Variants in INTS2 observed in about 807,000 individuals in gnomAD.
INTS2 encodes KIAA1287.
In INTS2, 57 loss-of-function variants were observed where a neutral mutation model predicts 139.6. The ratio of observed to expected loss-of-function variants is 0.41; its 90% CI spans 0.33 to 0.51. The LOEUF (loss-of-function observed/expected upper bound fraction) is 0.51, where lower values mean the gene tolerates loss of function less well. INTS2 is among the 20% of genes least tolerant of loss of function. The pLI is 0.28. For synonymous variants in INTS2, 473 were observed against 493.4 expected (o/e 0.96, Z 0.55); for missense variants, 1,196 against 1,436.7 (o/e 0.83, Z 2.71).
Position 61,891,697 on chromosome 17 carries a change from A to G in INTS2, c.1699-8T>C. 6.3e-7 allele frequency: 1 copy of G among 1,595,658 alleles called. No homozygotes were observed. The highest frequency in any genetic ancestry group is 8.5e-7 in the Non-Finnish European group (1 of 1,169,948). Reference sequence around the variant, plus strand: ...CTGTCTATAAATCCAATCCTAAGAAAGAATGTTATAGACACTGAATTAATT... The same window carrying G: ...CTGTCTATAAATCCAATCCTAAGAAGGAATGTTATAGACACTGAATTAATT... On this transcript the variant is annotated splice_polypyrimidine_tract_variant and splice_region_variant and intron_variant, in intron 13 of 24. Transcript: ENST00000251334.
At position 61,927,855 on chromosome 17, in the gene INTS2, G is replaced by T. The variant is rs548170558; in HGVS notation, c.-220C>A. The T allele has an allele frequency of 1.2e-6, 2 of 1,613,870 alleles. No homozygotes were observed. Among genetic ancestry groups the T allele is most frequent in the Admixed American group, 1.7e-5 (1 of 60,002 alleles). On this transcript the variant is annotated 5_prime_UTR_variant, in exon 1 of 25. Coordinates refer to ENST00000251334, the MANE Select transcript of INTS2 (RefSeq NM_001351695.2). ...CCGGGTTGTCGATACAAAGTGGGAAGGATGGGGGCACCACACAAAGGCAGA... is the reference window on the plus strand; with the variant it reads ...CCGGGTTGTCGATACAAAGTGGGAATGATGGGGGCACCACACAAAGGCAGA...
intron 11 of INTS2, among the ~76,000 whole-genome samples, chr17:61,896,057 C>T (rs1344448244): frequency 4.6e-5 from 7 of 151,748 alleles, no homozygotes; most frequent in Non-Finnish European, 8.8e-5. Flanking sequence ...CTGGCTAACA[C>T]AGTGAAACCC....
rs550591695 is a variant in INTS2 at position 61,893,508 on chromosome 17, A to C, written c.1698+257T>G. ...GTCAGGAGTTCGACACCAGCCAGCC[A>C]ACACGGTGAAACCCTGTCTCTACTA... is the stretch of plus-strand genomic sequence containing the variant. On this transcript the variant is annotated intron_variant, in intron 13 of 24. Coordinates refer to ENST00000251334, the MANE Select transcript of INTS2 (RefSeq NM_001351695.2). This position sits in a 1 kb window ranked among gnomAD's most constrained non-coding sequence, Gnocchi z 5.4. 2.2e-4 allele frequency among the ~76,000 whole-genome samples: 33 copies of C among 152,236 alleles called. No homozygotes were observed. The highest frequency in any genetic ancestry group is 7.7e-4 in the African/African-American group (32 of 41,532).
Position 61,882,500 on chromosome 17 carries a change from A to G in INTS2, c.2090-1329T>C, listed in dbSNP as rs189368569. Among the ~76,000 whole-genome samples, 256 of 152,258 alleles carry G rather than the reference A, an allele frequency of 1.7e-3. 4 individuals carry two copies. In the East Asian group the frequency reaches 0.03, roughly 18 times the overall value. On this transcript the variant is annotated intron_variant, in intron 16 of 24. Coordinates refer to ENST00000251334, the MANE Select transcript of INTS2 (RefSeq NM_001351695.2). This position sits in a 1 kb window ranked among gnomAD's most constrained non-coding sequence, Gnocchi z 4.7. ...TCCCAGCACCTTGGGAGACTGAGGG[A>G]GATGGATCACTTGAGGCCAGGAGTT...
intron 5 of INTS2, among the ~76,000 whole-genome samples, chr17:61,917,879 T>A (rs886865182): frequency 3.9e-5 from 6 of 151,902 alleles, no homozygotes; most frequent in African/African-American, 1.5e-4. Flanking sequence ...ACTATAAATG[T>A]GAAAACTAAG....
At chr17:61,902,049 A>G (rs1478212806) in intron 9 of INTS2, among the ~76,000 whole-genome samples, 1 of 152,134 alleles carries the variant, frequency 6.6e-6, no homozygotes, top group Non-Finnish European at 1.5e-5. Flanking sequence ...AGGACTTTGA[A>G]GGTGTTGCTT....
Position 61,874,985 on chromosome 17 carries a change from TGTC to T in INTS2, c.2507_2509del (p.Arg836del), listed in dbSNP as rs2079115987. The T allele has an allele frequency of 2.5e-6, 4 of 1,598,008 alleles. No homozygotes were observed. The highest frequency in any genetic ancestry group is 3.4e-6 in the Non-Finnish European group (4 of 1,171,238). On this transcript the variant is annotated inframe_deletion, in exon 19 of 25. Coordinates refer to ENST00000251334, the MANE Select transcript of INTS2 (RefSeq NM_001351695.2). ...CAGGTCATTCTGAGTATACTTTTGT[TGTC>T]GTACAAACTTTATTGAAGGCTGAAG...
At chr17:61,904,972 G>C (rs1203098686) in intron 8 of INTS2, among the ~76,000 whole-genome samples, 1 of 148,246 alleles carries the variant, frequency 6.7e-6, no homozygotes, top group Non-Finnish European at 1.5e-5. Flanking sequence ...TTTGAGACAA[G>C]GTCTTGCTCC....
chr17:61,919,292 T>C (rs1214680461), intron 5 of INTS2, 108 bp downstream of exon 5: 8 of 619,386 alleles, frequency 1.3e-5, no homozygotes, highest in Admixed American at 5.9e-5. Flanking sequence ...TTTCAAAAGA[T>C]AAAATCTCAA....
chr17:61,910,727 A>C (rs866936992), intron 7 of INTS2: 3 of 152,214 alleles, frequency 2.0e-5, no homozygotes, highest in African/African-American at 7.2e-5. Flanking sequence ...ATTTTACCAT[A>C]ATAAAAACAT....
chr17:61,886,849 G>A (rs1010419156), intron 15 of INTS2, among the ~76,000 whole-genome samples: 1 of 152,210 alleles, frequency 6.6e-6, no homozygotes, highest in African/African-American at 2.4e-5. Flanking sequence ...CAAGAAGTAT[G>A]TAAGTGCAAG....
rs979329437 is a variant in INTS2 at position 61,882,658 on chromosome 17, C to T, written c.2090-1487G>A. On this transcript the variant is annotated intron_variant, in intron 16 of 24. Coordinates refer to ENST00000251334, the MANE Select transcript of INTS2 (RefSeq NM_001351695.2). This position sits in a 1 kb window ranked among gnomAD's most constrained non-coding sequence, Gnocchi z 4.7. ...GCACAAGAATTGCTTGAACCTGGGA[C>T]GTGGAGGTTGCAGTGAGCCAAGATC... is the stretch of plus-strand genomic sequence containing the variant. 1.3e-5 allele frequency among the ~76,000 whole-genome samples: 2 copies of T among 151,990 alleles called. No homozygotes were observed. The highest frequency in any genetic ancestry group is 1.9e-4 in the East Asian group (1 of 5,178).
intron 2 of INTS2, 95 bp downstream of exon 2, chr17:61,926,257 A>G (rs2079712252): frequency 4.9e-6 from 5 of 1,017,206 alleles, no homozygotes; most frequent in Middle Eastern, 2.9e-4. Flanking sequence ...CAGAATTTAG[A>G]TTCTCATTCT....
chr17:61,885,864 G>A (rs1439274553), intron 15 of INTS2, among the ~76,000 whole-genome samples: 1 of 151,152 alleles, frequency 6.6e-6, no homozygotes, highest in Non-Finnish European at 1.5e-5. Flanking sequence ...GAGTAGCTGG[G>A]ATTACAAGCG....
Position 61,868,970 on chromosome 17 carries a change from G to A in INTS2, c.3244+64C>T. On this transcript the variant is annotated intron_variant, in intron 23 of 24. Transcript: ENST00000251334. The surrounding 1 kb of genome is among the most constrained non-coding windows in gnomAD (Gnocchi z 4.7). The stretch of plus-strand genomic sequence containing the variant: ...GAAAAAACATATTGCATCACTAAAT[G>A]CAGAAAATATAGGAACTATAATAAT... The A allele has an allele frequency of 3.1e-6, 3 of 963,426 alleles. No individual in the cohort carries two copies. Among genetic ancestry groups the A allele is most frequent in the Non-Finnish European group, 4.9e-6 (3 of 607,122 alleles). 59.7% of individuals were successfully genotyped at this position (963,426 alleles called of 1,614,324 possible). A position where few individuals can be genotyped will look rare whatever the true frequency, so the allele number is the denominator to read the frequency against.
intron 15 of INTS2, among the ~76,000 whole-genome samples, chr17:61,889,375 C>T (rs540525164): frequency 1.3e-5 from 2 of 152,312 alleles, no homozygotes; most frequent in South Asian, 2.1e-4. Context: ...GCGTAAGCCA[C>T]CTCGACTGGC....
At chr17:61,915,349 T>A (rs868248910) in intron 5 of INTS2, among the ~76,000 whole-genome samples, 4 of 145,780 alleles carry the variant, frequency 2.7e-5, no homozygotes, top group African/African-American at 7.7e-5. Context: ...AAAAAATAAA[T>A]AAATAAATAA....
chr17:61,870,033 G>T lies in INTS2; in HGVS notation c.2779-45C>A. 1 of 1,528,072 alleles carries T rather than the reference G, an allele frequency of 6.5e-7. No individual in the cohort carries two copies. 94.7% of individuals were successfully genotyped at this position (1,528,072 alleles called of 1,614,324 possible). On this transcript the variant is annotated intron_variant, in intron 20 of 24. Transcript: ENST00000251334. The surrounding 1 kb of genome is among the most constrained non-coding windows in gnomAD (Gnocchi z 4.4). The stretch of plus-strand genomic sequence containing the variant: ...AGAAAAAGTAAGAAGTTTCTAAGAA[G>T]TTAAAAAACAAATCAGATTTTATTT...
rs1293221396 is a variant in INTS2, at chr17:61,875,869, G to C, written c.2457-831C>G. Among the ~76,000 whole-genome samples the C allele has an allele frequency of 6.6e-6, 1 of 152,050 alleles. No homozygotes were observed. Among genetic ancestry groups the C allele is most frequent in the East Asian group, 1.9e-4 (1 of 5,192 alleles). On this transcript the variant is annotated intron_variant, in intron 18 of 24. Coordinates refer to ENST00000251334, the MANE Select transcript of INTS2 (RefSeq NM_001351695.2). This position sits in a 1 kb window ranked among gnomAD's most constrained non-coding sequence, Gnocchi z 4.6. The stretch of plus-strand genomic sequence containing the variant: ...ATATTCAGATAACAAAGAGCTCTTA[G>C]AATTAAGAAGAACAGGGCCTGACAC...
Sources: allele counts gnomAD v4.1 joint callset (sites outside exome capture counted in the v4.1 genomes callset), GRCh38; gene constraint gnomAD v4.1.1; non-coding constraint Gnocchi (gnomAD v3.1); transcripts MANE v1.5; gene names NCBI Gene and HGNC (gene_info 2026-07-23, HGNC 2026-07-21).